The following GRIN3A variants were observed in gnomAD, a reference collection of about 807,000 sequenced individuals.
The protein encoded by GRIN3A is glutamate ionotropic receptor NMDA type subunit 3A.
Under a neutral mutation model 92.4 loss-of-function variants are expected in GRIN3A, and 47 were observed. The observed-to-expected ratio is 0.51, with a 90% CI of 0.40 to 0.65. The LOEUF is 0.65. Among genes scored for constraint, GRIN3A ranks in the 30% least tolerant of loss-of-function variants. The pLI is 0.00. For synonymous variants in GRIN3A, 527 were observed against 540.6 expected, an observed-to-expected ratio of 0.97 and a Z score of 0.35; for missense variants, 1,324 against 1,393.1, an observed-to-expected ratio of 0.95 and a Z score of 0.79.
At chr9:101,616,888 T>TAAAAAAAA (rs75080539) in intron 5 of GRIN3A, among the ~76,000 whole-genome samples, 2 of 101,392 alleles carry the variant, frequency 2.0e-5, no homozygotes, top group Non-Finnish European at 1.9e-5. Context: ...ACTTAAAGTA[T>TAAAAAAAA]AAAAAAAAAA....
chr9:101,685,285 C>T (rs928940590), intron 2 of GRIN3A, among the ~76,000 whole-genome samples: 3 of 149,762 alleles, frequency 2.0e-5, no homozygotes, highest in African/African-American at 7.3e-5. Flanking sequence ...CAACTATTTG[C>T]ACCCCTTGAC....
intron 6 of GRIN3A, among the ~76,000 whole-genome samples, chr9:101,588,502 G>A (rs911631269): frequency 6.6e-6 from 1 of 152,020 alleles, no homozygotes; most frequent in Non-Finnish European, 1.5e-5. Flanking sequence ...TTAAGCTTGG[G>A]CGACCATCTT....
chr9:101,639,884 T>C (rs1329278585), intron 3 of GRIN3A, among the ~76,000 whole-genome samples: 3 of 152,152 alleles, frequency 2.0e-5, no homozygotes, highest in Admixed American at 6.5e-5. Flanking sequence ...GATAAACTAC[T>C]GAATAACAAT....
chr9:101,577,894 T>G, intron 7 of GRIN3A, 50 bp from the exon 8 acceptor site: 3 of 1,365,598 alleles, frequency 2.2e-6, no homozygotes. Flanking sequence ...AACACATAGG[T>G]CAGGGAACAA....
intron 1 of GRIN3A, among the ~76,000 whole-genome samples, chr9:101,698,247 G>C (rs1008754437): frequency 6.6e-6 from 1 of 152,118 alleles, no homozygotes; most frequent in Admixed American, 6.5e-5. Flanking sequence ...TCCTCATTTT[G>C]TTAGCATTAC....
At chr9:101,631,059 C>T (rs1588257690) in intron 3 of GRIN3A, among the ~76,000 whole-genome samples, 1 of 152,150 alleles carries the variant, frequency 6.6e-6, no homozygotes, top group South Asian at 2.1e-4. Flanking sequence ...AGTACATATA[C>T]CTATCTTTTG....
chr9:101,705,993 T>TA (rs943048241), intron 1 of GRIN3A, among the ~76,000 whole-genome samples: 4 of 151,808 alleles, frequency 2.6e-5, no homozygotes, highest in East Asian at 1.9e-4. Context: ...GTGAGACTGT[T>TA]AAAAAAAACG....
intron 3 of GRIN3A, among the ~76,000 whole-genome samples, chr9:101,630,457 G>A (rs1286088694): frequency 6.6e-6 from 1 of 152,162 alleles, no homozygotes; most frequent in Non-Finnish European, 1.5e-5. Flanking sequence ...ACCAAGAAAT[G>A]TGAGGTAGAT....
intron 6 of GRIN3A, among the ~76,000 whole-genome samples, chr9:101,599,880 G>T (rs891108375): frequency 2.0e-5 from 3 of 152,106 alleles, no homozygotes; most frequent in African/African-American, 7.2e-5. Context: ...TAGCATTGCC[G>T]GTCACCATAT....
At chr9:101,581,453 C>T (rs1318582430) in intron 6 of GRIN3A, among the ~76,000 whole-genome samples, 1 of 152,138 alleles carries the variant, frequency 6.6e-6, no homozygotes, top group Non-Finnish European at 1.5e-5. Flanking sequence ...ATTAAGAGCC[C>T]TTATGAAGGG....
chr9:101,655,248 C>A (rs1023733160), intron 3 of GRIN3A, among the ~76,000 whole-genome samples: 2 of 151,846 alleles, frequency 1.3e-5, no homozygotes, highest in Non-Finnish European at 1.5e-5. Flanking sequence ...ACCTTCGCTG[C>A]CTATTAGTCA....
chr9:101,693,265 ATATATATT>A (rs1358502608), intron 1 of GRIN3A, among the ~76,000 whole-genome samples: 3 of 125,356 alleles, frequency 2.4e-5, no homozygotes, highest in Admixed American at 7.9e-5. Context: ...ATATATATAT[ATATATATT>A]GCACGGAGGG....
In GRIN3A at chr9:101,669,506, AG is replaced by A. The variant is rs143397225; in HGVS notation, c.2352+553del. On this transcript the variant is annotated intron_variant, in intron 3 of 8. Transcript: ENST00000361820. ...CAGCTCCCCTTACTTTATAGGCCTTAGCTAATTCTGCCATCTCAGTTAGTCT... is the reference window on the plus strand; with the variant it reads ...CAGCTCCCCTTACTTTATAGGCCTTACTAATTCTGCCATCTCAGTTAGTCT... Among the ~76,000 whole-genome samples, 1,203 of 152,188 alleles carry A rather than the reference AG, an allele frequency of 7.9e-3. 16 individuals carry two copies. Among genetic ancestry groups the A allele is most frequent in the African/African-American group, 0.028 (1,159 of 41,536 alleles).
rs1255242655 is a variant in GRIN3A, at chr9:101,670,429, A to G, written c.1983T>C (p.Asp661=). 6.2e-7 allele frequency: 1 copy of G among 1,614,002 alleles called. No individual in the cohort carries two copies. The change falls in exon 3 of 9, where the codon GAT becomes GAC. Residue 661 remains aspartate, a synonymous_variant. Transcript: ENST00000361820. The part of the protein sequence containing the change: ...TSLGILVRTR[D]TAAPIGAFMW... ...TGAAGGCTCCAATGGGAGCTGCTGT[A>G]TCTCGGGTCCTCACTAAGATGCCCA...
intron 3 of GRIN3A, among the ~76,000 whole-genome samples, chr9:101,642,793 G>A (rs781121942): frequency 3.9e-5 from 6 of 152,090 alleles, no homozygotes; most frequent in Non-Finnish European, 8.8e-5. Context: ...CCCCACGTGC[G>A]AGGGATCTAG....
At chr9:101,697,736 TATC>T (rs1829701462) in intron 1 of GRIN3A, among the ~76,000 whole-genome samples, 1 of 152,224 alleles carries the variant, frequency 6.6e-6, no homozygotes, top group African/African-American at 2.4e-5. Flanking sequence ...AGCTCACCTA[TATC>T]AAACTCTTGT....
In GRIN3A at chr9:101,728,746, G is replaced by A. The variant is rs938389114; in HGVS notation, c.699+8535C>T. ...CAGGGTTAATCTGTGTAAATGCACA[G>A]GTAGTAGTGCATGGGCACTGCTTTT... On this transcript the variant is annotated intron_variant, in intron 1 of 8. Transcript: ENST00000361820. Among the ~76,000 whole-genome samples the A allele has an allele frequency of 3.3e-5, 5 of 152,164 alleles. 1 individual carries two copies. Among genetic ancestry groups the A allele is most frequent in the Non-Finnish European group, 7.4e-5 (5 of 68,008 alleles).
intron 5 of GRIN3A, among the ~76,000 whole-genome samples, chr9:101,615,835 T>C (rs1423791504): frequency 1.4e-5 from 2 of 147,220 alleles, no homozygotes; most frequent in African/African-American, 5.4e-5. Flanking sequence ...TTGAAAACTA[T>C]TGACCCAGGG....
chr9:101,720,195 G>T (rs933000151), intron 1 of GRIN3A, among the ~76,000 whole-genome samples: 3 of 152,164 alleles, frequency 2.0e-5, no homozygotes, highest in Admixed American at 1.3e-4. Flanking sequence ...AGGAAGATAG[G>T]TCCTAACTTT....
Sources: gnomAD v4.1 joint callset for allele counts (sites outside exome capture counted in the v4.1 genomes callset) on GRCh38, gnomAD v4.1.1 for gene constraint, MANE v1.5 for transcripts, NCBI Gene and HGNC (gene_info 2026-07-23, HGNC 2026-07-21) for gene names.